Variants in SUCLG2 observed in about 807,000 individuals in gnomAD.
SUCLG2 encodes the protein succinate--CoA ligase [GDP-forming] subunit beta, mitochondrial.
A neutral mutation model predicts 47.9 loss-of-function variants in SUCLG2; 42 were observed. The observed-to-expected ratio is 0.88, with a 90% confidence interval of 0.69 to 1.14. The LOEUF (loss-of-function observed/expected upper bound fraction) is 1.14. SUCLG2 is among the 50% of genes most tolerant of loss of function. The pLI, the probability that SUCLG2 is intolerant of heterozygous loss-of-function variation, is 0.00. For synonymous variants in SUCLG2, 195 were observed against 197.3 expected, an observed-to-expected ratio of 0.99 and a Z score of 0.10; for missense variants, 571 against 525.9, an observed-to-expected ratio of 1.09 and a Z score of -0.84.
chr3:67,472,016 T>G (rs1035164041), intron 9 of SUCLG2, among the ~76,000 whole-genome samples: 3 of 152,158 alleles, frequency 2.0e-5, no homozygotes, highest in Non-Finnish European at 2.9e-5. Flanking sequence ...ATTATTTTCA[T>G]AAAATTACTA....
At chr3:67,536,957 T>C (rs1355343075) in intron 2 of SUCLG2, among the ~76,000 whole-genome samples, 1 of 152,176 alleles carries the variant, frequency 6.6e-6, no homozygotes, top group Non-Finnish European at 1.5e-5. Flanking sequence ...TCCACCAACA[T>C]TTGGACACTA....
At chr3:67,546,770 AG>A (rs776402143) in intron 2 of SUCLG2, among the ~76,000 whole-genome samples, 2 of 151,888 alleles carry the variant, frequency 1.3e-5, no homozygotes, top group East Asian at 3.9e-4. Context: ...GCATGGTGGC[AG>A]GTGCCTGTAA....
chr3:67,640,973 A>T (rs948039577), intron 1 of SUCLG2, among the ~76,000 whole-genome samples: 1 of 152,218 alleles, frequency 6.6e-6, no homozygotes, highest in Non-Finnish European at 1.5e-5. Context: ...AGCTGTCTGG[A>T]TAAAGAGAAT....
chr3:67,566,675 C>A (rs1035694057), intron 2 of SUCLG2, among the ~76,000 whole-genome samples: 1 of 152,016 alleles, frequency 6.6e-6, no homozygotes. Flanking sequence ...ACTTTTCTTA[C>A]AATTTTAAAT....
At chr3:67,580,178 T>C (rs1707844988) in intron 2 of SUCLG2, among the ~76,000 whole-genome samples, 1 of 151,902 alleles carries the variant, frequency 6.6e-6, no homozygotes, top group African/African-American at 2.4e-5. Context: ...AACGTAAAAA[T>C]CCCTCCTCTT....
intron 1 of SUCLG2, among the ~76,000 whole-genome samples, chr3:67,654,093 G>C (rs779256167): frequency 6.6e-6 from 1 of 152,196 alleles, no homozygotes; most frequent in African/African-American, 2.4e-5. Flanking sequence ...TTTATCACGT[G>C]GTCTAAACGT....
intron 9 of SUCLG2, among the ~76,000 whole-genome samples, chr3:67,452,662 C>T (rs942208082): frequency 3.9e-5 from 6 of 152,098 alleles, no homozygotes; most frequent in African/African-American, 1.4e-4. Context: ...CTCCTTTCCG[C>T]CCTTCCCTCT....
intron 2 of SUCLG2, among the ~76,000 whole-genome samples, chr3:67,543,071 A>T (rs1031439159): frequency 6.6e-6 from 1 of 152,230 alleles, no homozygotes; most frequent in Non-Finnish European, 1.5e-5. Flanking sequence ...AATTGGAAGT[A>T]AAACATTCCT....
intron 9 of SUCLG2, 35 bp from the exon 10 acceptor site, chr3:67,400,886 G>T (rs1466966648): frequency 6.2e-7 from 1 of 1,610,954 alleles, no homozygotes; most frequent in Admixed American, 1.7e-5. Context: ...CAATCAAAAT[G>T]CTGATCGCCA....
At chr3:67,426,156 G>C (rs1703296805) in intron 9 of SUCLG2, among the ~76,000 whole-genome samples, 1 of 152,014 alleles carries the variant, frequency 6.6e-6, no homozygotes, top group Non-Finnish European at 1.5e-5. Flanking sequence ...TAAAATGTTT[G>C]CTTTTTCTTG....
chr3:67,580,914 A>G (rs186265589), intron 2 of SUCLG2, among the ~76,000 whole-genome samples: 260 of 152,320 alleles, frequency 1.7e-3, no homozygotes, highest in Non-Finnish European at 2.6e-3. Flanking sequence ...AAAACATGCA[A>G]TCATCCTAAA....
intron 4 of SUCLG2, among the ~76,000 whole-genome samples, chr3:67,521,349 C>T (rs563351798): frequency 1.5e-3 from 223 of 152,246 alleles, no homozygotes; most frequent in African/African-American, 4.2e-3. Flanking sequence ...TGGTCATTTG[C>T]CAGGGCCATG....
At chr3:67,533,741 C>T (rs1167904448) in intron 2 of SUCLG2, among the ~76,000 whole-genome samples, 3 of 152,074 alleles carry the variant, frequency 2.0e-5, no homozygotes, top group Non-Finnish European at 4.4e-5. Context: ...TAGAGAGTTA[C>T]CAATCTTCAA....
In SUCLG2 at chr3:67,654,532, G is replaced by A. The variant is rs756045470; in HGVS notation, c.55C>T (p.Arg19Trp). 1.1e-4 allele frequency: 132 copies of A among 1,257,090 alleles called. No individual in the cohort carries two copies. 77.9% of individuals were successfully genotyped at this position (1,257,090 alleles called of 1,614,324 possible). Residue 19 changes from arginine to tryptophan, a missense_variant, in exon 1 of 11, where the codon CGG becomes TGG. Arg to Trp is a moderately radical substitution (Grantham distance 101). Coordinates refer to ENST00000307227, the MANE Select transcript of SUCLG2 (RefSeq NM_003848.4). ...AGKLLRALAL[R>W]PRFLAAGSQA... ...GACCCGGCCGCCAGGAAGCGGGGCCGCAGCGCTAGGGCTCGCAGAAGCTTC... is the reference window on the plus strand; with the variant it reads ...GACCCGGCCGCCAGGAAGCGGGGCCACAGCGCTAGGGCTCGCAGAAGCTTC...
At chr3:67,460,920 A>G (rs1704315948) in intron 9 of SUCLG2, among the ~76,000 whole-genome samples, 1 of 152,160 alleles carries the variant, frequency 6.6e-6, no homozygotes, top group African/African-American at 2.4e-5. Flanking sequence ...TTTATCTGAT[A>G]AGATATAAAG....
At position 67,654,527 on chromosome 3, in the gene SUCLG2, G is replaced by A. The variant is rs1197093237; in HGVS notation, c.60C>T (p.Pro20=). 2.4e-6 allele frequency: 3 copies of A among 1,253,546 alleles called. No individual in the cohort carries two copies. Among genetic ancestry groups the A allele is most frequent in the South Asian group, 3.9e-5 (1 of 25,508 alleles). The allele number at this position is 1,253,546 out of a possible 1,614,324, so 77.7% of individuals were successfully genotyped here. ...GKLLRALALR[P]RFLAAGSQAV... Reference sequence around the variant, plus strand: ...CCTGGGACCCGGCCGCCAGGAAGCGGGGCCGCAGCGCTAGGGCTCGCAGAA... The same window carrying A: ...CCTGGGACCCGGCCGCCAGGAAGCGAGGCCGCAGCGCTAGGGCTCGCAGAA... The change falls in exon 1 of 11, where the codon CCC becomes CCT. Residue 20 remains proline (P), a synonymous_variant. Transcript: ENST00000307227.
chr3:67,368,432 G>A (rs1312762242), intron 10 of SUCLG2, among the ~76,000 whole-genome samples: 1 of 151,686 alleles, frequency 6.6e-6, no homozygotes, highest in Non-Finnish European at 1.5e-5. Context: ...TTAGTTGCTG[G>A]TCTTTTCTAC....
In SUCLG2 at chr3:67,651,899, C is replaced by T. The variant is rs147790881; in HGVS notation, c.84+2604G>A. ...CCCTGACTGATTTTCTTCACAGAAT[C>T]TGTCATTGGCTGAAATCATTTTCAT... On this transcript the variant is annotated intron_variant, in intron 1 of 10. Coordinates refer to ENST00000307227, the MANE Select transcript of SUCLG2 (RefSeq NM_003848.4). Among the ~76,000 whole-genome samples the T allele has an allele frequency of 3.3e-5, 5 of 152,274 alleles. No individual in the cohort carries two copies. In the East Asian group the frequency reaches 9.7e-4, roughly 29 times the overall value.
intron 8 of SUCLG2, among the ~76,000 whole-genome samples, chr3:67,497,670 A>G (rs1705382285): frequency 6.6e-6 from 1 of 152,100 alleles, no homozygotes; most frequent in Admixed American, 6.6e-5. Context: ...ATTAATACTG[A>G]GTTGAGCAGC....
Sources: allele counts gnomAD v4.1 joint callset (sites outside exome capture counted in the v4.1 genomes callset), GRCh38; gene constraint gnomAD v4.1.1; transcripts MANE v1.5; gene names NCBI Gene and HGNC (gene_info 2026-07-23, HGNC 2026-07-21).